The following TLN2 variants were observed in gnomAD, a reference collection of about 807,000 sequenced individuals.
TLN2 encodes the protein talin-2.
A neutral mutation model predicts 294.7 loss-of-function variants in TLN2; 118 were observed. The ratio of observed to expected loss-of-function variants is 0.40; its 90% CI spans 0.34 to 0.47. The LOEUF (loss-of-function observed/expected upper bound fraction) is 0.47. Among genes scored for constraint, TLN2 ranks in the 20% least tolerant of loss-of-function variants. The pLI is 0.84. For synonymous variants in TLN2, 1,431 were observed against 1,304.5 expected (o/e 1.10, Z -2.09); for missense variants, 3,083 against 3,282.2 (o/e 0.94, Z 1.48).
At chr15:62,730,196 C>T (rs2060647094) in intron 28 of TLN2, among the ~76,000 whole-genome samples, 1 of 151,994 alleles carries the variant, frequency 6.6e-6, no homozygotes, top group South Asian at 2.1e-4. Context: ...TGTGTGCCAC[C>T]ACACCCAGCT....
At chr15:62,723,448 A>G (rs1221113744) in intron 26 of TLN2, among the ~76,000 whole-genome samples, 1 of 151,844 alleles carries the variant, frequency 6.6e-6, no homozygotes, top group African/African-American at 2.4e-5. Flanking sequence ...ACACACACCA[A>G]CATTGAACCA....
At chr15:62,771,465 T>A (rs973699180) in intron 42 of TLN2, among the ~76,000 whole-genome samples, 1 of 152,216 alleles carries the variant, frequency 6.6e-6, no homozygotes, top group East Asian at 1.9e-4. Flanking sequence ...CACAGAGGAA[T>A]GTTCTATTGT....
At chr15:62,397,158 C>A (rs2032618787) in intron 1 of TLN2, among the ~76,000 whole-genome samples, 1 of 152,222 alleles carries the variant, frequency 6.6e-6, no homozygotes, top group South Asian at 2.1e-4. Flanking sequence ...TCAACCCAGC[C>A]TCCTAATGTG....
chr15:62,664,157 C>A (rs1396601591), intron 9 of TLN2, among the ~76,000 whole-genome samples: 1 of 151,492 alleles, frequency 6.6e-6, no homozygotes, highest in African/African-American at 2.4e-5. Flanking sequence ...AAGCTCCAAA[C>A]TGGAAAAAGA....
chr15:62,713,929 A>ATATATATATATATATATATGC (rs368958929), intron 22 of TLN2, among the ~76,000 whole-genome samples: 3 of 125,198 alleles, frequency 2.4e-5, no homozygotes, highest in Admixed American at 8.4e-5. Context: ...GTGTGTGTGT[A>ATATATATATATATATATATGC]TGTGTGTGTG....
chr15:62,707,125 G>C lies in TLN2; in HGVS notation c.2044G>C (p.Ala682Pro). The stretch of plus-strand genomic sequence containing the variant: ...TTTGGCCAAAGCTGTTGCCAATGCA[G>C]CTGCCATGTTGGTACTAAAGGCAAA... ...MSLAKAVANA[A>P]AMLVLKAKNV... is the part of the protein sequence containing the mutation. The change falls in exon 20 of 59, where the codon GCT (alanine) becomes CCT (proline). Residue 682 changes from alanine (A) to proline (P), a missense_variant. Coordinates refer to ENST00000636159, the MANE Select transcript of TLN2 (RefSeq NM_015059.3). The C allele has an allele frequency of 6.2e-7, 1 of 1,614,046 alleles. No individual in the cohort carries two copies. Among genetic ancestry groups the C allele is most frequent in the Non-Finnish European group, 8.5e-7 (1 of 1,179,956 alleles).
rs113319120 is a variant in TLN2 at position 62,715,162 on chromosome 15, A to G, written c.2635-1169A>G. ...AGAGGGTTGCCAAAAGAATTCTACCACAGCTGTTAAAACTATTCCATCCTG... is the reference window on the plus strand; with the variant it reads ...AGAGGGTTGCCAAAAGAATTCTACCGCAGCTGTTAAAACTATTCCATCCTG... On this transcript the variant is annotated intron_variant, in intron 22 of 58. Coordinates refer to ENST00000636159, the MANE Select transcript of TLN2 (RefSeq NM_015059.3). 1.3e-5 allele frequency among the ~76,000 whole-genome samples: 2 copies of G among 152,390 alleles called. 1 individual carries two copies. Among genetic ancestry groups the G allele is most frequent in the African/African-American group, 4.8e-5 (2 of 41,602 alleles).
At chr15:62,421,314 G>C (rs2034376187) in intron 1 of TLN2, among the ~76,000 whole-genome samples, 1 of 152,132 alleles carries the variant, frequency 6.6e-6, no homozygotes, top group Admixed American at 6.6e-5. Context: ...GAGATTACAG[G>C]CATGAGTCAC....
At chr15:62,610,169 G>A (rs1404913724) in intron 2 of TLN2, among the ~76,000 whole-genome samples, 2 of 152,182 alleles carry the variant, frequency 1.3e-5, no homozygotes, top group African/African-American at 4.8e-5. Flanking sequence ...TTTGCTATTG[G>A]ATGTCGCTCA....
intron 1 of TLN2, among the ~76,000 whole-genome samples, chr15:62,561,743 C>G (rs1164184188): frequency 6.6e-6 from 1 of 152,176 alleles, no homozygotes; most frequent in South Asian, 2.1e-4. Flanking sequence ...CTTCAGACCC[C>G]ACCCTGGCCT....
intron 42 of TLN2, among the ~76,000 whole-genome samples, chr15:62,775,049 C>T (rs898738939): frequency 5.3e-5 from 8 of 151,062 alleles, no homozygotes; most frequent in East Asian, 3.9e-4. Context: ...CTCCACCTCC[C>T]GGGTTCACGC....
chr15:62,587,672 A>G (rs565349024), intron 1 of TLN2, among the ~76,000 whole-genome samples: 2 of 152,250 alleles, frequency 1.3e-5, no homozygotes, highest in South Asian at 4.1e-4. Context: ...TGCTTCCATA[A>G]TTATCTACCT....
At chr15:62,780,452 G>A (rs8024718) in intron 43 of TLN2, among the ~76,000 whole-genome samples, 149,608 of 152,290 alleles carry the variant, frequency 0.98, 73,537 homozygotes, top group Middle Eastern at 1. Flanking sequence ...TAAGCAGCCC[G>A]AGGTTCATTC....
At chr15:62,762,136 T>C (rs1271007503) in intron 38 of TLN2, 136 bp from the exon 39 acceptor site, 5 of 1,080,784 alleles carry the variant, frequency 4.6e-6, no homozygotes, top group Non-Finnish European at 6.8e-6. Context: ...TAATCCAGTC[T>C]TCATGGTTCC....
chr15:62,638,188 G>T (rs1167305966), intron 3 of TLN2: 1 of 177,084 alleles, frequency 5.6e-6, no homozygotes, highest in Admixed American at 5.7e-5. Flanking sequence ...CCTGCTTACT[G>T]CCCTTTCTCC....
At chr15:62,794,742 C>T (rs2065340634) in intron 46 of TLN2, among the ~76,000 whole-genome samples, 1 of 152,148 alleles carries the variant, frequency 6.6e-6, no homozygotes, top group Admixed American at 6.5e-5. Flanking sequence ...AGGAAATGGT[C>T]CCTGTGCCTC....
At chr15:62,670,095 C>T (rs1574119) in intron 9 of TLN2, among the ~76,000 whole-genome samples, 45,879 of 151,998 alleles carry the variant, frequency 0.3, 7,403 homozygotes, top group East Asian at 0.64. Flanking sequence ...CCTGCTGGTC[C>T]CCTGGACACC....
rs199729333 is a variant in TLN2, at chr15:62,482,659, C to CG, written c.-238+91974_-238+91975insG. 5.0e-3 allele frequency among the ~76,000 whole-genome samples: 756 copies of CG among 150,010 alleles called. 32 individuals carry two copies. The highest frequency in any genetic ancestry group is 0.045 in the Admixed American group (683 of 15,066). ...TTACATCTCCAACCATGAGGGCCCT[C>CG]ATTAGCACAGAATGTTATTAATCTT... On this transcript the variant is annotated intron_variant, in intron 1 of 58. Coordinates refer to ENST00000636159, the MANE Select transcript of TLN2 (RefSeq NM_015059.3).
At chr15:62,397,883 A>G (rs192401767) in intron 1 of TLN2, among the ~76,000 whole-genome samples, 5 of 152,188 alleles carry the variant, frequency 3.3e-5, no homozygotes, top group Admixed American at 2.0e-4. Context: ...TTTCCATCCA[A>G]TCCCTGGCTT....
Sources: allele counts gnomAD v4.1 joint callset (sites outside exome capture counted in the v4.1 genomes callset), GRCh38; gene constraint gnomAD v4.1.1; transcripts MANE v1.5; gene names NCBI Gene and HGNC (gene_info 2026-07-23, HGNC 2026-07-21).